BRMS1L: variants seen among roughly 807,000 people sequenced by gnomAD.
BRMS1L encodes BRMS1 like transcriptional repressor, also known as breast cancer metastasis-suppressor 1-like protein.
In BRMS1L, 23 loss-of-function variants were observed where a neutral mutation model predicts 50.3. That is an observed-to-expected ratio of 0.46 (90% CI 0.33 to 0.65). The LOEUF is 0.65. Ranked by LOEUF, BRMS1L falls within the 30% of genes least tolerant of loss-of-function variation. BRMS1L has a pLI of 0.02. For missense variants in BRMS1L, 286 were observed against 386.1 expected, an observed-to-expected ratio of 0.74 and a Z score of 2.17; for synonymous variants, 114 against 126.9, an observed-to-expected ratio of 0.90 and a Z score of 0.69.
At chr14:35,869,996 T>G (rs927133206) in intron 9 of BRMS1L, among the ~76,000 whole-genome samples, 2 of 152,034 alleles carry the variant, frequency 1.3e-5, no homozygotes, top group African/African-American at 4.8e-5. Context: ...AGATTAGCAT[T>G]TGAAAGATAC....
At chr14:35,841,066 G>A (rs538261950) in intron 4 of BRMS1L, among the ~76,000 whole-genome samples, 1 of 151,976 alleles carries the variant, frequency 6.6e-6, no homozygotes, top group African/African-American at 2.4e-5. Context: ...GTTCTCACTG[G>A]TTTCAAATAA....
intron 4 of BRMS1L, among the ~76,000 whole-genome samples, chr14:35,850,835 T>C (rs547403179): frequency 1.3e-5 from 2 of 152,358 alleles, no homozygotes; most frequent in Admixed American, 1.3e-4. Flanking sequence ...TTTTGGATTT[T>C]AACATTGATT....
intron 4 of BRMS1L, among the ~76,000 whole-genome samples, chr14:35,847,638 A>G (rs2078154283): frequency 6.6e-6 from 1 of 152,234 alleles, no homozygotes; most frequent in Non-Finnish European, 1.5e-5. Flanking sequence ...AGTTAGCTAT[A>G]GGCACAATGT....
intron 4 of BRMS1L, among the ~76,000 whole-genome samples, chr14:35,861,475 G>T (rs1355162211): frequency 6.6e-6 from 1 of 152,114 alleles, no homozygotes; most frequent in African/African-American, 2.4e-5. Flanking sequence ...GCACAATATA[G>T]ATAAAGCTGG....
chr14:35,833,678 C>G (rs1426121532), intron 3 of BRMS1L, among the ~76,000 whole-genome samples: 1 of 152,002 alleles, frequency 6.6e-6, no homozygotes, highest in African/African-American at 2.4e-5. Context: ...AAATAGGATC[C>G]AGCCTCAGTA....
chr14:35,867,779 T>G, intron 8 of BRMS1L, 127 bp from the exon 9 acceptor site: 1 of 862,384 alleles, frequency 1.2e-6, no homozygotes, highest in Non-Finnish European at 1.6e-6. Context: ...TTTAGGTTTG[T>G]TATTTAAGAA....
chr14:35,833,504 AT>A (rs2077952751), intron 3 of BRMS1L, among the ~76,000 whole-genome samples: 1 of 152,150 alleles, frequency 6.6e-6, no homozygotes. Flanking sequence ...TTTATAAAAA[AT>A]TTTAAAAATG....
chr14:35,826,457 A>G lies in BRMS1L; in HGVS notation c.-60A>G. 2 of 1,549,768 alleles carry G rather than the reference A, an allele frequency of 1.3e-6. No homozygotes were observed. Among genetic ancestry groups the G allele is most frequent in the Admixed American group, 2.0e-5 (1 of 50,950 alleles). On this transcript the variant is annotated 5_prime_UTR_variant, in exon 1 of 10. Transcript: ENST00000216807. The stretch of plus-strand genomic sequence containing the variant: ...GGTTGGGGCGTTCCGCGCGCCCTTC[A>G]TTGAAGCGGCGGTGGCCGGGCTGGG...
rs567704421 is a variant in BRMS1L at position 35,849,271 on chromosome 14, C to T, written c.442-13319C>T. ...TTTTTCTGCACATTCCTGCTACCAA[C>T]ACTTGTTATCTTTTGTCTTTTTGTT... On this transcript the variant is annotated intron_variant, in intron 4 of 9. Transcript: ENST00000216807. 7.7e-4 allele frequency among the ~76,000 whole-genome samples: 117 copies of T among 152,242 alleles called. No homozygotes were observed. In the South Asian group the frequency reaches 9.3e-3, roughly 12 times the overall value.
intron 4 of BRMS1L, among the ~76,000 whole-genome samples, chr14:35,856,129 G>A (rs944364371): frequency 3.9e-5 from 6 of 152,200 alleles, no homozygotes; most frequent in African/African-American, 1.4e-4. Context: ...ATAAAAGTTT[G>A]TTTAGCAGCA....
At chr14:35,826,831 G>A (rs932733569) in intron 1 of BRMS1L, 173 bp downstream of exon 1, 2 of 923,132 alleles carry the variant, frequency 2.2e-6, no homozygotes, top group African/African-American at 3.5e-5. Flanking sequence ...GGCGCTGTCT[G>A]GCTCCTGATG....
intron 5 of BRMS1L, 37 bp from the exon 6 acceptor site, chr14:35,863,833 G>C: frequency 6.4e-7 from 1 of 1,570,672 alleles, no homozygotes; most frequent in Non-Finnish European, 8.7e-7. Context: ...TTGTTCACCA[G>C]AAACCCACTA....
chr14:35,863,322 T>C (rs138677269), intron 5 of BRMS1L, among the ~76,000 whole-genome samples: 43 of 152,292 alleles, frequency 2.8e-4, no homozygotes, highest in Middle Eastern at 3.4e-3. Flanking sequence ...TTTCAGGGTG[T>C]TACAGAAAGG....
intron 4 of BRMS1L, among the ~76,000 whole-genome samples, chr14:35,852,669 C>T (rs1196502248): frequency 2.0e-5 from 3 of 152,132 alleles, no homozygotes; most frequent in Admixed American, 1.3e-4. Flanking sequence ...CGGTGGCTCA[C>T]GCCTGTAATC....
At chr14:35,866,597 TGGGA>T (rs1293949900) in intron 8 of BRMS1L, among the ~76,000 whole-genome samples, 2 of 152,050 alleles carry the variant, frequency 1.3e-5, no homozygotes, top group African/African-American at 2.4e-5. Flanking sequence ...CTCAGCCTCT[TGGGA>T]GGCTGAGGTG....
At chr14:35,862,540 T>G in intron 4 of BRMS1L, 50 bp from the exon 5 acceptor site, 3 of 1,299,934 alleles carry the variant, frequency 2.3e-6, no homozygotes, top group Non-Finnish European at 3.2e-6. Flanking sequence ...TTAGTTAAGA[T>G]ACACCAATTT....
chr14:35,842,193 T>C (rs958586334), intron 4 of BRMS1L, among the ~76,000 whole-genome samples: 2 of 152,174 alleles, frequency 1.3e-5, no homozygotes, highest in African/African-American at 4.8e-5. Context: ...GTTAATATTG[T>C]TATGTGTGAA....
At chr14:35,849,662 T>C (rs891743443) in intron 4 of BRMS1L, among the ~76,000 whole-genome samples, 2 of 152,150 alleles carry the variant, frequency 1.3e-5, no homozygotes, top group African/African-American at 2.4e-5. Flanking sequence ...ATTGTTGTTT[T>C]GATTTGCATT....
At chr14:35,830,688 A>T (rs2077907998) in intron 1 of BRMS1L, among the ~76,000 whole-genome samples, 1 of 152,130 alleles carries the variant, frequency 6.6e-6, no homozygotes. Flanking sequence ...CAGGCAAATC[A>T]GCCATGTGAG....
Sources: allele counts gnomAD v4.1 joint callset (sites outside exome capture counted in the v4.1 genomes callset), GRCh38; gene constraint gnomAD v4.1.1; transcripts MANE v1.5; gene names NCBI Gene and HGNC (gene_info 2026-07-23, HGNC 2026-07-21).